The following ETFBKMT variants were observed in gnomAD, a reference collection of about 807,000 sequenced individuals.
ETFBKMT encodes the protein electron transfer flavoprotein beta subunit lysine methyltransferase.
Under a neutral mutation model 18.3 loss-of-function variants are expected in ETFBKMT, and 13 were observed. The observed-to-expected ratio is 0.71, with a 90% CI of 0.46 to 1.13. The LOEUF (loss-of-function observed/expected upper bound fraction) is 1.13. ETFBKMT is among the 50% of genes most tolerant of loss of function. ETFBKMT has a pLI of 0.00. For missense variants in ETFBKMT, 293 were observed against 306.2 expected (o/e 0.96, Z 0.32); for synonymous variants, 84 against 107.9 (o/e 0.78, Z 1.37).
chr12:31,663,371 G>A (rs182203196), intron 2 of ETFBKMT, among the ~76,000 whole-genome samples: 15 of 150,520 alleles, frequency 1.0e-4, no homozygotes, highest in African/African-American at 3.0e-4. Context: ...GATTACAGGC[G>A]TGAGCCACCG....
At position 31,662,044 on chromosome 12, in the gene ETFBKMT, T is replaced by C; in HGVS notation, c.91T>C (p.Cys31Arg). 4.3e-6 allele frequency: 7 copies of C among 1,614,240 alleles called. No individual in the cohort carries two copies. The highest frequency in any genetic ancestry group is 5.9e-6 in the Non-Finnish European group (7 of 1,180,028). Residue 31 changes from cysteine (C) to arginine (R), a missense_variant, in exon 2 of 4, where the codon TGT becomes CGT. Transcript: ENST00000357721. ...LRSSGLLLFP[C>R]GQCPWRGAGS... ...AAGCAGTGGTCTTCTCTTGTTTCCC[T>C]GTGGCCAGTGTCCCTGGAGAGGAGC...
chr12:31,670,679 A>C lies in ETFBKMT; in HGVS notation c.*2689A>C, dbSNP rs1372427692. 6.6e-6 allele frequency: 1 copy of C among 151,874 alleles called. No homozygotes were observed. The highest frequency in any genetic ancestry group is 1.9e-4 in the East Asian group (1 of 5,148). 9.4% of individuals were successfully genotyped at this position (151,874 alleles called of 1,614,324 possible). ...TTTTGTAGACATGGAGTCTTGCTAC[A>C]TTGGCCAGGCTGGGTATTACTGGGT... On this transcript the variant is annotated 3_prime_UTR_variant, in exon 4 of 4. Transcript: ENST00000357721.
At chr12:31,663,340 C>G (rs1379291459) in intron 2 of ETFBKMT, among the ~76,000 whole-genome samples, 2 of 152,126 alleles carry the variant, frequency 1.3e-5, no homozygotes, top group African/African-American at 4.8e-5. Flanking sequence ...ATCCGCCCTC[C>G]TCGGCCTCCC....
At chr12:31,647,981 A>T (rs1434431898) in intron 1 of ETFBKMT, among the ~76,000 whole-genome samples, 1 of 152,250 alleles carries the variant, frequency 6.6e-6, no homozygotes, top group Non-Finnish European at 1.5e-5. Flanking sequence ...ATTTGAGCAT[A>T]GAGTTACTAT....
chr12:31,659,492 TA>T (rs947287667), upstream of ETFBKMT: 29 of 152,306 alleles, frequency 1.9e-4, no homozygotes, highest in East Asian at 5.4e-3. Flanking sequence ...TCCTTCTCAT[TA>T]AGAGAAATAC....
rs1338000936 is a variant in ETFBKMT, at chr12:31,668,400, C to T, written c.*410C>T. 6.6e-6 allele frequency: 1 copy of T among 152,456 alleles called. No individual in the cohort carries two copies. Among genetic ancestry groups the T allele is most frequent in the Non-Finnish European group, 1.5e-5 (1 of 68,628 alleles). 9.4% of individuals were successfully genotyped at this position (152,456 alleles called of 1,614,324 possible). ...GAAGAAGACTATATATATATTTTTT[C>T]TTTTTTTAGAGACAGTCTCACTTTG... is the stretch of plus-strand genomic sequence containing the variant. On this transcript the variant is annotated 3_prime_UTR_variant, in exon 4 of 4. Coordinates refer to ENST00000357721, the MANE Select transcript of ETFBKMT (RefSeq NM_001135863.2).
chr12:31,652,599 G>A (rs1951027307), intron 1 of ETFBKMT, among the ~76,000 whole-genome samples: 1 of 152,138 alleles, frequency 6.6e-6, no homozygotes. Context: ...TCTGGTTTAT[G>A]TCCATTTAAT....
intron 1 of ETFBKMT, among the ~76,000 whole-genome samples, chr12:31,648,845 G>A (rs1040103875): frequency 2.6e-5 from 4 of 151,920 alleles, no homozygotes; most frequent in East Asian, 3.9e-4. Context: ...ACAGGCGTGA[G>A]CCACCGCGCC....
chr12:31,664,632 T>G (rs1457009565), intron 2 of ETFBKMT, among the ~76,000 whole-genome samples: 1 of 151,248 alleles, frequency 6.6e-6, no homozygotes, highest in Non-Finnish European at 1.5e-5. Context: ...TTTTTTTTTT[T>G]TGAGATGGAG....
Position 31,670,531 on chromosome 12 carries a change from G to T in ETFBKMT, c.*2541G>T, listed in dbSNP as rs925805979. Reference sequence around the variant, plus strand: ...CATCCAGGCTGGAGTTCAGCAATGCGACCGTGCTCACTGCAGCCTCGACTT... The same window carrying T: ...CATCCAGGCTGGAGTTCAGCAATGCTACCGTGCTCACTGCAGCCTCGACTT... On this transcript the variant is annotated 3_prime_UTR_variant, in exon 4 of 4. Coordinates refer to ENST00000357721, the MANE Select transcript of ETFBKMT (RefSeq NM_001135863.2). The T allele has an allele frequency of 6.6e-6, 1 of 152,190 alleles. No homozygotes were observed. Among genetic ancestry groups the T allele is most frequent in the Non-Finnish European group, 1.5e-5 (1 of 68,078 alleles). The allele number at this position is 152,190 out of a possible 1,614,324, so 9.4% of individuals were successfully genotyped here.
chr12:31,663,098 T>A (rs1404953229), intron 2 of ETFBKMT, among the ~76,000 whole-genome samples: 24 of 149,174 alleles, frequency 1.6e-4, no homozygotes, highest in Non-Finnish European at 1.9e-4. Flanking sequence ...AAAAAAAAAT[T>A]TTTTTTTTTT....
intron 1 of ETFBKMT, among the ~76,000 whole-genome samples, chr12:31,651,548 T>G (rs2139609514): frequency 6.6e-6 from 1 of 152,258 alleles, no homozygotes. Flanking sequence ...CAGGCTGGTC[T>G]GGAACTCCTG....
rs533123290 is a variant in ETFBKMT, at chr12:31,653,879, C to T, written c.-114+6624C>T. Among the ~76,000 whole-genome samples the T allele has an allele frequency of 1.1e-4, 16 of 152,048 alleles. No homozygotes were observed. The South Asian group carries it at 2.9e-3, about 28-fold the overall frequency. ...GGGAGAATCACTTGAACCTGGGAGG[C>T]AGAGGTTGCAGTGAGCTGAGATAGC... On this transcript the variant is annotated intron_variant, in intron 1 of 3. Coordinates refer to the ETFBKMT transcript ENST00000412352.
In ETFBKMT at chr12:31,672,640, A is replaced by G. The variant is rs1203429974; in HGVS notation, c.*4650A>G. 9.1e-6 allele frequency: 3 copies of G among 327,992 alleles called. No homozygotes were observed. The highest frequency in any genetic ancestry group is 2.1e-5 in the African/African-American group (1 of 46,856). 20.3% of individuals were successfully genotyped at this position (327,992 alleles called of 1,614,324 possible). ...TTGTTGTTTTCTCTGTAATTTCATC[A>G]TAATTCCACCAACCAGAGTAATGGT... is the stretch of plus-strand genomic sequence containing the variant. On this transcript the variant is annotated 3_prime_UTR_variant, in exon 4 of 4. Transcript: ENST00000357721.
chr12:31,667,558 G>A lies in ETFBKMT; in HGVS notation c.446-89G>A, dbSNP rs538527148. 119 of 989,808 alleles carry A rather than the reference G, an allele frequency of 1.2e-4. 1 individual carries two copies. In the African/African-American group the frequency reaches 1.5e-3, roughly 12 times the overall value. The allele number at this position is 989,808 out of a possible 1,614,324, so 61.3% of individuals were successfully genotyped here. A position where few individuals can be genotyped will look rare whatever the true frequency, so the allele number is the denominator to read the frequency against. On this transcript the variant is annotated intron_variant, in intron 3 of 3. Transcript: ENST00000357721. ...CATCAAAAAGGAAGAAAAATATATT[G>A]TTAGCAGATCTTCTAAATTATTTAA...
At chr12:31,666,651 T>A (rs1409672014) in intron 3 of ETFBKMT, among the ~76,000 whole-genome samples, 1 of 151,890 alleles carries the variant, frequency 6.6e-6, no homozygotes, top group Non-Finnish European at 1.5e-5. Flanking sequence ...TATTTTATTT[T>A]ATTTATTTAT....
In ETFBKMT at chr12:31,672,962, A is replaced by C. The variant is rs989612444; in HGVS notation, c.*4972A>C. 1.3e-5 allele frequency: 2 copies of C among 152,444 alleles called. No individual in the cohort carries two copies. Among genetic ancestry groups the C allele is most frequent in the Admixed American group, 1.3e-4 (2 of 15,292 alleles). 9.4% of individuals were successfully genotyped at this position (152,444 alleles called of 1,614,324 possible). A position where few individuals can be genotyped will look rare whatever the true frequency, so the allele number is the denominator to read the frequency against. On this transcript the variant is annotated 3_prime_UTR_variant, in exon 4 of 4. Coordinates refer to ENST00000357721, the MANE Select transcript of ETFBKMT (RefSeq NM_001135863.2). ...GCATGATTTTAAATAGATAACCATTATATAAATACACTGTAATTTAACCAA... is the reference window on the plus strand; with the variant it reads ...GCATGATTTTAAATAGATAACCATTCTATAAATACACTGTAATTTAACCAA...
chr12:31,666,140 G>A lies in ETFBKMT; in HGVS notation c.368G>A (p.Gly123Glu). The A allele has an allele frequency of 6.2e-7, 1 of 1,613,974 alleles. No individual in the cohort carries two copies. Among genetic ancestry groups the A allele is most frequent in the Non-Finnish European group, 8.5e-7 (1 of 1,179,860 alleles). The change falls in exon 3 of 4, where the codon GGG becomes GAG. Residue 123 changes from glycine (G) to glutamate (E), a missense_variant. Coordinates refer to ENST00000357721, the MANE Select transcript of ETFBKMT (RefSeq NM_001135863.2). ...AGAGGAAAATCTGTATTAGATCTTG[G>A]GAGTGGATGTGGAGCTACAGCTATT... ...VVRGKSVLDL[G>E]SGCGATAIAA...
upstream of ETFBKMT, among the ~76,000 whole-genome samples, chr12:31,658,054 C>A (rs542398981): frequency 1.3e-5 from 2 of 152,140 alleles, no homozygotes; most frequent in African/African-American, 2.4e-5. Flanking sequence ...TTTCCAGGAA[C>A]CAACCCTCTT....
Sources: gnomAD v4.1 joint callset for allele counts (sites outside exome capture counted in the v4.1 genomes callset) on GRCh38, gnomAD v4.1.1 for gene constraint, MANE v1.5 for transcripts, NCBI Gene and HGNC (gene_info 2026-07-23, HGNC 2026-07-21) for gene names.